DNHD1: variants seen among roughly 807,000 people sequenced by gnomAD.
DNHD1 encodes the protein dynein heavy chain domain 1, also known as dynein heavy chain domain-containing protein 1.
In DNHD1, 383 loss-of-function variants were observed where a neutral mutation model predicts 458.1. The observed-to-expected ratio is 0.84, with a 90% confidence interval of 0.77 to 0.91. The LOEUF is 0.91. Ranked by LOEUF, DNHD1 falls within the 40% of genes least tolerant of loss-of-function variation. The probability of loss-of-function intolerance (pLI) is 0.00; values close to 1 mark genes in which losing one functional copy is unlikely to be tolerated. For synonymous variants in DNHD1, 2,203 were observed against 2,376.9 expected (o/e 0.93, Z 2.13); for missense variants, 5,336 against 5,866.1 (o/e 0.91, Z 2.95).
intron 10 of DNHD1, 198 bp downstream of exon 10, chr11:6,520,487 G>T: frequency 7.0e-7 from 1 of 1,436,522 alleles, no homozygotes. Flanking sequence ...ACAAATTCAC[G>T]TGGTTATGTG....
chr11:6,563,442 C>G lies in DNHD1; in HGVS notation c.9730C>G (p.Arg3244Gly). Reference sequence around the variant, plus strand: ...GCAGGTGGCTGACTTTGAGGAGATACGGAGCTATCGAGCACCACCAGAATC... The same window carrying G: ...GCAGGTGGCTGACTTTGAGGAGATAGGGAGCTATCGAGCACCACCAGAATC... ...QLQVADFEEIRSYRAPPESVV... is the reference protein window; with the variant it reads ...QLQVADFEEIGSYRAPPESVV... The change falls in exon 30 of 43, where the codon CGG (arginine) becomes GGG (glycine). Residue 3244 changes from arginine to glycine, a missense_variant. Arg to Gly is a moderately radical substitution (Grantham distance 125). This residue lies in a region of DNHD1 where 3,932 missense variants were observed against 4,365.6 expected (regional missense o/e 0.90). Transcript: ENST00000254579. 6.4e-7 allele frequency: 1 copy of G among 1,551,676 alleles called. No homozygotes were observed. Among genetic ancestry groups the G allele is most frequent in the Non-Finnish European group, 8.7e-7 (1 of 1,146,970 alleles).
In DNHD1 at chr11:6,571,565, G is replaced by T; in HGVS notation, c.13912-71G>T. 1 of 1,466,892 alleles carries T rather than the reference G, an allele frequency of 6.8e-7. No homozygotes were observed. Among genetic ancestry groups the T allele is most frequent in the Non-Finnish European group, 9.1e-7 (1 of 1,098,524 alleles). The allele number at this position is 1,466,892 out of a possible 1,614,324, so 90.9% of individuals were successfully genotyped here. On this transcript the variant is annotated intron_variant, in intron 42 of 42. Transcript: ENST00000254579. This position sits in a 1 kb window ranked among gnomAD's most constrained non-coding sequence, Gnocchi z 5.0. The stretch of plus-strand genomic sequence containing the variant: ...CTCGCTTCACCACGACCTCCTACCC[G>T]CTAACCCCCACTTCCCACCTGCCAC...
chr11:6,519,800 C>T lies in DNHD1; in HGVS notation c.1593C>T (p.Ser531=), dbSNP rs775588787. ...ARLVDYMICQ[S]LISVLEEQIT... is the part of the protein sequence containing the mutation. ...TGGTTGACTACATGATTTGTCAGAG[C>T]CTCATTTCTGTCTTGGAAGAGCAGA... is the stretch of plus-strand genomic sequence containing the variant. Residue 531 remains serine (S), a synonymous_variant, in exon 8 of 43, where the codon AGC becomes AGT. Coordinates refer to ENST00000254579, the MANE Select transcript of DNHD1 (RefSeq NM_144666.3). The T allele has an allele frequency of 1.2e-6, 2 of 1,613,300 alleles. No homozygotes were observed. The highest frequency in any genetic ancestry group is 1.3e-5 in the African/African-American group (1 of 74,938).
At position 6,570,613 on chromosome 11, in the gene DNHD1, C is replaced by A; in HGVS notation, c.13106-5C>A. 1 of 1,596,966 alleles carries A rather than the reference C, an allele frequency of 6.3e-7. No homozygotes were observed. The highest frequency in any genetic ancestry group is 8.5e-7 in the Non-Finnish European group (1 of 1,170,604). On this transcript the variant is annotated splice_polypyrimidine_tract_variant and splice_region_variant and intron_variant, in intron 41 of 42. Coordinates refer to ENST00000254579, the MANE Select transcript of DNHD1 (RefSeq NM_144666.3). The stretch of plus-strand genomic sequence containing the variant: ...TGTCCCTCACCCCTCACCTCTATCC[C>A]CAAGAGCTAAGGGAGCTGGATGCAA...
chr11:6,560,943 G>A (rs1853574592), intron 28 of DNHD1, among the ~76,000 whole-genome samples: 1 of 152,140 alleles, frequency 6.6e-6, no homozygotes, highest in South Asian at 2.1e-4. Flanking sequence ...TGGATAGATA[G>A]ATAGATGATA....
rs1307847778 is a variant in DNHD1 at position 6,558,970 on chromosome 11, C to T, written c.9280C>T (p.Leu3094Phe). The T allele has an allele frequency of 1.3e-6, 2 of 1,551,620 alleles. No homozygotes were observed. Among genetic ancestry groups the T allele is most frequent in the East Asian group, 2.4e-5 (1 of 40,932 alleles). Residue 3094 changes from leucine to phenylalanine, a missense_variant, in exon 27 of 43, where the codon CTT becomes TTT. Transcript: ENST00000254579. ...GGCCAAAGCCATGGCTCTTATCCAC[C>T]TTTCGGCCACCCACTACCATGAGCA... ...SVAKAMALIHLSATHYHEHLC... is the reference protein window; with the variant it reads ...SVAKAMALIHFSATHYHEHLC...
Position 6,546,072 on chromosome 11 carries a change from A to C in DNHD1, c.5133A>C (p.Leu1711=). ...CCCTGGGCCGCCAGCTGGTGATGCTACCCTGCTCACCTCAGATAGAGGCTC... is the reference window on the plus strand; with the variant it reads ...CCCTGGGCCGCCAGCTGGTGATGCTCCCCTGCTCACCTCAGATAGAGGCTC... ...AQALGRQLVM[L]PCSPQIEAQC... Residue 1711 remains leucine, a synonymous_variant, in exon 21 of 43, where the codon CTA becomes CTC. Coordinates refer to ENST00000254579, the MANE Select transcript of DNHD1 (RefSeq NM_144666.3). The C allele has an allele frequency of 1.3e-6, 2 of 1,551,318 alleles. No homozygotes were observed. The highest frequency in any genetic ancestry group is 1.7e-6 in the Non-Finnish European group (2 of 1,146,724).
intron 17 of DNHD1, 129 bp downstream of exon 17, chr11:6,539,442 C>A: frequency 1.4e-6 from 1 of 694,846 alleles, no homozygotes; most frequent in Non-Finnish European, 2.5e-6. Flanking sequence ...GCCTGAAGGG[C>A]AGGAACAGTT....
In DNHD1 at chr11:6,545,958, A is replaced by G. The variant is rs1273015040; in HGVS notation, c.5019A>G (p.Leu1673=). ...TGCCTGAACGGCCAGCCCTGGTACT[A>G]TTATTGGCCCTAGAGGAGGTGGCCT... ...SLLPERPALV[L]LLALEEVACG... The change falls in exon 21 of 43, where the codon CTA becomes CTG. Residue 1673 remains leucine, a synonymous_variant. Transcript: ENST00000254579. This position sits in a 1 kb window ranked among gnomAD's most constrained non-coding sequence, Gnocchi z 4.9. 2.6e-6 allele frequency: 4 copies of G among 1,551,582 alleles called. No individual in the cohort carries two copies. The highest frequency in any genetic ancestry group is 3.5e-6 in the Non-Finnish European group (4 of 1,146,982).
chr11:6,545,012 G>A lies in DNHD1; in HGVS notation c.4073G>A (p.Arg1358His), dbSNP rs767595855. The A allele has an allele frequency of 1.5e-5, 24 of 1,551,664 alleles. No individual in the cohort carries two copies. Among genetic ancestry groups the A allele is most frequent in the African/African-American group, 2.7e-5 (2 of 73,038 alleles). ...VLYGVCAHFPRLFFLSDSELV... is the reference protein window; with the variant it reads ...VLYGVCAHFPHLFFLSDSELV... ...TATGGGGTGTGTGCTCACTTCCCCCGCCTCTTCTTCCTTAGTGACAGTGAG... is the reference window on the plus strand; with the variant it reads ...TATGGGGTGTGTGCTCACTTCCCCCACCTCTTCTTCCTTAGTGACAGTGAG... The change falls in exon 21 of 43, where the codon CGC becomes CAC. Residue 1358 changes from arginine to histidine, a missense_variant. Coordinates refer to ENST00000254579, the MANE Select transcript of DNHD1 (RefSeq NM_144666.3). The surrounding 1 kb of genome is among the most constrained non-coding windows in gnomAD (Gnocchi z 4.9).
At chr11:6,536,571 AG>A (rs1263423881) in intron 14 of DNHD1, among the ~76,000 whole-genome samples, 2 of 152,230 alleles carry the variant, frequency 1.3e-5, no homozygotes, top group African/African-American at 4.8e-5. Flanking sequence ...CAAAAGGCAA[AG>A]ATAAACAGTA....
chr11:6,501,604 G>C (rs990566484), intron 3 of DNHD1, among the ~76,000 whole-genome samples: 5 of 152,022 alleles, frequency 3.3e-5, no homozygotes, highest in African/African-American at 1.2e-4. Context: ...GGCAGAGAAG[G>C]AGACAGAGAA....
chr11:6,561,894 A>G (rs983965480), intron 28 of DNHD1, among the ~76,000 whole-genome samples: 8 of 152,178 alleles, frequency 5.3e-5, no homozygotes, highest in Non-Finnish European at 1.2e-4. Flanking sequence ...TAGGAGAGAG[A>G]AAAGAGATGA....
Position 6,539,304 on chromosome 11 carries a change from A to G in DNHD1, c.3411A>G (p.Arg1137=), listed in dbSNP as rs1454639177. 1.3e-6 allele frequency: 2 copies of G among 1,551,350 alleles called. No individual in the cohort carries two copies. The highest frequency in any genetic ancestry group is 1.7e-6 in the Non-Finnish European group (2 of 1,146,728). ...ATCCACTGCTGGAGTTTGCAGATCG[A>G]ATCAACCAGGTGGGGCCCTCAGTAC... ...LTYPLLEFAD[R]INQVWQNENE... is the part of the protein sequence containing the mutation. The change falls in exon 17 of 43, where the codon CGA becomes CGG. Residue 1137 remains arginine, a synonymous_variant. Transcript: ENST00000254579.
chr11:6,565,611 G>T lies in DNHD1; in HGVS notation c.10757-84G>T. 2.9e-6 allele frequency: 4 copies of T among 1,369,484 alleles called. No individual in the cohort carries two copies. The South Asian group carries it at 6.2e-5, about 21-fold the overall frequency. 84.8% of individuals were successfully genotyped at this position (1,369,484 alleles called of 1,614,324 possible). On this transcript the variant is annotated intron_variant, in intron 32 of 42. Transcript: ENST00000254579. The stretch of plus-strand genomic sequence containing the variant: ...TGTCTTCCTGCAGACCTTCCCTCAT[G>T]AAATGGAGCCCTTCAGTGAATTCCT...
At chr11:6,537,714 C>T (rs1054872012) in intron 14 of DNHD1, among the ~76,000 whole-genome samples, 8 of 152,108 alleles carry the variant, frequency 5.3e-5, no homozygotes, top group East Asian at 1.9e-4. Context: ...GGGCGGATCA[C>T]GAGGTCAGGA....
chr11:6,533,914 G>A lies in DNHD1; in HGVS notation c.2739G>A (p.Glu913=). The stretch of plus-strand genomic sequence containing the variant: ...CCCCACAGCTTCTGGATATGTGGGA[G>A]GCATTTCAGTTTGAGAAAAGCCAGG... The part of the protein sequence containing the change: ...LLAPQLLDMW[E]AFQFEKSQAS... The change falls in exon 14 of 43, where the codon GAG becomes GAA. Residue 913 remains glutamate, a synonymous_variant. Coordinates refer to ENST00000254579, the MANE Select transcript of DNHD1 (RefSeq NM_144666.3). 6.4e-7 allele frequency: 1 copy of A among 1,551,264 alleles called. No homozygotes were observed.
At chr11:6,522,125 C>T (rs751471084) in intron 10 of DNHD1, among the ~76,000 whole-genome samples, 3 of 151,838 alleles carry the variant, frequency 2.0e-5, no homozygotes, top group Non-Finnish European at 2.9e-5. Context: ...GCTTGTTGGC[C>T]GCATGTATGT....
intron 28 of DNHD1, among the ~76,000 whole-genome samples, chr11:6,561,709 T>C (rs570672441): frequency 1.3e-5 from 2 of 152,176 alleles, no homozygotes; most frequent in Non-Finnish European, 2.9e-5. Context: ...AACAAATGAA[T>C]GAAGTACATG....
Sources: gnomAD v4.1 joint callset for allele counts (sites outside exome capture counted in the v4.1 genomes callset) on GRCh38, gnomAD v4.1.1 for gene constraint, gnomAD v4.1.1 regional missense constraint, Gnocchi (gnomAD v3.1) non-coding constraint, MANE v1.5 for transcripts, NCBI Gene and HGNC (gene_info 2026-07-23, HGNC 2026-07-21) for gene names.